The following AGBL4 variants were observed in gnomAD, a reference collection of about 807,000 sequenced individuals.
AGBL4 encodes cytosolic carboxypeptidase 6.
A neutral mutation model predicts 66.4 loss-of-function variants in AGBL4; 58 were observed. The observed-to-expected ratio is 0.87, with a 90% CI of 0.71 to 1.09. AGBL4 has a LOEUF of 1.09. Among genes scored for constraint, AGBL4 ranks in the 50% least tolerant of loss-of-function variants. The pLI is 0.00. For synonymous variants in AGBL4, 234 were observed against 222.9 expected, an observed-to-expected ratio of 1.05 and a Z score of -0.44; for missense variants, 579 against 631.0, an observed-to-expected ratio of 0.92 and a Z score of 0.88.
chr1:49,700,530 C>T (rs1471452592), intron 2 of AGBL4, among the ~76,000 whole-genome samples: 2 of 151,964 alleles, frequency 1.3e-5, no homozygotes, highest in Non-Finnish European at 1.5e-5. Flanking sequence ...AATTATGAAA[C>T]ACATTACATT....
At chr1:48,772,721 T>G (rs191631129) in intron 6 of AGBL4, among the ~76,000 whole-genome samples, 7 of 152,156 alleles carry the variant, frequency 4.6e-5, no homozygotes, top group Non-Finnish European at 2.9e-5. Flanking sequence ...ATTGGGAAAA[T>G]AGATCAGAGA....
At chr1:49,150,357 G>T (rs900527379) in intron 4 of AGBL4, among the ~76,000 whole-genome samples, 1 of 152,004 alleles carries the variant, frequency 6.6e-6, no homozygotes, top group African/African-American at 2.4e-5. Flanking sequence ...TTCACAATTT[G>T]TACACATTCT....
At chr1:48,975,233 C>G (rs1659222986) in intron 5 of AGBL4, among the ~76,000 whole-genome samples, 1 of 152,106 alleles carries the variant, frequency 6.6e-6, no homozygotes, top group Non-Finnish European at 1.5e-5. Flanking sequence ...GTGGGCCTTT[C>G]TGGATTTTGA....
chr1:48,659,685 C>T (rs963089282), intron 7 of AGBL4, among the ~76,000 whole-genome samples: 5 of 152,122 alleles, frequency 3.3e-5, no homozygotes, highest in East Asian at 1.9e-4. Flanking sequence ...AGGAAGGCGA[C>T]GAGGAAGAGC....
At chr1:49,380,076 C>T (rs35175364) in intron 3 of AGBL4, among the ~76,000 whole-genome samples, 7,317 of 152,062 alleles carry the variant, frequency 0.048, 556 homozygotes, top group African/African-American at 0.16. Context: ...TGTTTGCAGA[C>T]GACATGATTG....
intron 1 of AGBL4, among the ~76,000 whole-genome samples, chr1:49,985,124 C>G (rs541233624): frequency 6.6e-6 from 1 of 152,072 alleles, no homozygotes; most frequent in Admixed American, 6.6e-5. Flanking sequence ...GTTTATAGTA[C>G]GAATAATCTT....
intron 3 of AGBL4, among the ~76,000 whole-genome samples, chr1:49,371,868 T>C (rs1396574318): frequency 7.6e-6 from 1 of 131,344 alleles, no homozygotes; most frequent in Non-Finnish European, 1.7e-5. Context: ...TGTGTGTGTG[T>C]TTAAATAGAC....
At chr1:49,612,558 A>G (rs1047411111) in intron 3 of AGBL4, among the ~76,000 whole-genome samples, 12 of 152,250 alleles carry the variant, frequency 7.9e-5, no homozygotes, top group Non-Finnish European at 1.3e-4. Context: ...CCAATTAAAA[A>G]GTGGGCAAAG....
At chr1:48,539,812 A>G in intron 11 of AGBL4, 74 bp from the exon 12 acceptor site, 2 of 998,172 alleles carry the variant, frequency 2.0e-6, no homozygotes, top group Middle Eastern at 2.2e-4. Flanking sequence ...ACTAATAAAA[A>G]TAATAACAGT....
chr1:49,882,478 C>G (rs954573650), intron 1 of AGBL4, among the ~76,000 whole-genome samples: 4 of 151,638 alleles, frequency 2.6e-5, no homozygotes, highest in African/African-American at 9.7e-5. Flanking sequence ...TTACCTTGGG[C>G]AGTATGGCCA....
At chr1:48,746,113 C>T (rs1403972351) in intron 6 of AGBL4, among the ~76,000 whole-genome samples, 3 of 151,958 alleles carry the variant, frequency 2.0e-5, no homozygotes, top group Admixed American at 6.6e-5. Context: ...TGTTGTGTCA[C>T]CTGAAAGGAG....
At chr1:48,760,333 T>A (rs997226008) in intron 6 of AGBL4, among the ~76,000 whole-genome samples, 1 of 152,188 alleles carries the variant, frequency 6.6e-6, no homozygotes, top group African/African-American at 2.4e-5. Flanking sequence ...GTGTAGGAAG[T>A]GCAGACAACT....
chr1:48,995,395 T>C (rs1468643461), intron 5 of AGBL4, among the ~76,000 whole-genome samples: 1 of 152,244 alleles, frequency 6.6e-6, no homozygotes, highest in Non-Finnish European at 1.5e-5. Flanking sequence ...TCTACAGATA[T>C]TTATTGAATG....
At chr1:48,534,451 C>T (rs576357911) in intron 13 of AGBL4, among the ~76,000 whole-genome samples, 158 bp from the exon 14 acceptor site, 2 of 152,264 alleles carry the variant, frequency 1.3e-5, no homozygotes, top group African/African-American at 2.4e-5. Flanking sequence ...CAAAAATGAG[C>T]AGACATTGAT....
At chr1:48,750,307 C>T (rs2148626231) in intron 6 of AGBL4, among the ~76,000 whole-genome samples, 1 of 152,290 alleles carries the variant, frequency 6.6e-6, no homozygotes, top group Middle Eastern at 3.4e-3. Context: ...ATGTCTGCAA[C>T]CTCATCTCTT....
At chr1:49,062,170 G>A (rs951397790) in intron 4 of AGBL4, among the ~76,000 whole-genome samples, 11 of 152,056 alleles carry the variant, frequency 7.2e-5, no homozygotes, top group East Asian at 1.9e-4. Flanking sequence ...CCCAACCCCC[G>A]TCGATGGAAA....
At chr1:49,610,680 C>G (rs1019686917) in intron 3 of AGBL4, among the ~76,000 whole-genome samples, 1 of 152,182 alleles carries the variant, frequency 6.6e-6, no homozygotes, top group Non-Finnish European at 1.5e-5. Flanking sequence ...AGCAACAACA[C>G]CTCATCTATG....
intron 2 of AGBL4, among the ~76,000 whole-genome samples, chr1:49,808,561 C>T (rs6659281): frequency 0.53 from 79,773 of 151,942 alleles, 22,267 homozygotes; most frequent in Non-Finnish European, 0.62. Context: ...TATACATATA[C>T]GTGTGACATT....
chr1:48,816,071 G>A (rs1292389589), intron 6 of AGBL4, among the ~76,000 whole-genome samples: 2 of 150,410 alleles, frequency 1.3e-5, no homozygotes, highest in Non-Finnish European at 2.9e-5. Flanking sequence ...GTGTGTGTGT[G>A]TGTGTGTGTG....
Sources: gnomAD v4.1 joint callset for allele counts (sites outside exome capture counted in the v4.1 genomes callset) on GRCh38, gnomAD v4.1.1 for gene constraint, MANE v1.5 for transcripts, NCBI Gene and HGNC (gene_info 2026-07-23, HGNC 2026-07-21) for gene names.